The following ARL15 variants were observed in gnomAD, a reference collection of about 807,000 sequenced individuals.
ARL15 encodes the protein ARF like GTPase 15.
Under a neutral mutation model 25.2 loss-of-function variants are expected in ARL15, and 19 were observed. The observed-to-expected ratio is 0.75, with a 90% CI of 0.53 to 1.10. The LOEUF is 1.10. Among genes scored for constraint, ARL15 ranks in the 50% least tolerant of loss-of-function variants. The probability of loss-of-function intolerance (pLI) is 0.00; values close to 1 mark genes in which losing one functional copy is unlikely to be tolerated. For synonymous variants in ARL15, 94 were observed against 86.8 expected, an observed-to-expected ratio of 1.08 and a Z score of -0.46; for missense variants, 220 against 246.0, an observed-to-expected ratio of 0.89 and a Z score of 0.71.
At chr5:54,014,925 T>C (rs1295093795) in intron 4 of ARL15, among the ~76,000 whole-genome samples, 1 of 152,136 alleles carries the variant, frequency 6.6e-6, no homozygotes, top group East Asian at 1.9e-4. Flanking sequence ...CCTTTTTGAA[T>C]TGATTTATCA....
chr5:54,302,683 A>ATTTTTTTTTTTTTT (rs372704359), intron 1 of ARL15, among the ~76,000 whole-genome samples: 1 of 77,860 alleles, frequency 1.3e-5, no homozygotes, highest in East Asian at 4.6e-4. Flanking sequence ...TAAAATTAAG[A>ATTTTTTTTTTTTTT]TTTTTTTTTT....
intron 1 of ARL15, among the ~76,000 whole-genome samples, chr5:54,188,077 A>G (rs1039738623): frequency 3.3e-5 from 5 of 152,202 alleles, no homozygotes; most frequent in Non-Finnish European, 5.9e-5. Flanking sequence ...TCCAATTTGC[A>G]TATCACACCA....
intron 1 of ARL15, among the ~76,000 whole-genome samples, chr5:54,214,970 G>C (rs573284657): frequency 2.0e-4 from 30 of 152,174 alleles, no homozygotes; most frequent in African/African-American, 6.5e-4. Flanking sequence ...TTACTCCAGA[G>C]TAACAACATG....
intron 1 of ARL15, among the ~76,000 whole-genome samples, chr5:54,303,574 G>A (rs933775613): frequency 1.3e-5 from 2 of 149,418 alleles, no homozygotes; most frequent in African/African-American, 5.0e-5. Flanking sequence ...GTAGGAATGT[G>A]CCCCTGAAAG....
intron 3 of ARL15, among the ~76,000 whole-genome samples, chr5:54,144,938 C>A (rs1363061810): frequency 6.6e-6 from 1 of 152,078 alleles, no homozygotes; most frequent in Admixed American, 6.5e-5. Flanking sequence ...TCTGATGAGC[C>A]CTTTGATTAA....
At chr5:54,236,667 A>C (rs1170936755) in intron 1 of ARL15, among the ~76,000 whole-genome samples, 1 of 152,232 alleles carries the variant, frequency 6.6e-6, no homozygotes, top group Non-Finnish European at 1.5e-5. Flanking sequence ...GGTCCTTTAT[A>C]ATGTGCCAGT....
intron 4 of ARL15, among the ~76,000 whole-genome samples, chr5:53,921,546 G>C (rs1057402137): frequency 6.6e-6 from 1 of 152,204 alleles, no homozygotes; most frequent in African/African-American, 2.4e-5. Flanking sequence ...CACAAGGCAG[G>C]TGGATCACTT....
chr5:53,922,388 G>T (rs536963760), intron 4 of ARL15, among the ~76,000 whole-genome samples: 1 of 152,304 alleles, frequency 6.6e-6, no homozygotes, highest in African/African-American at 2.4e-5. Context: ...TTTAGTCTTT[G>T]AATGTCTTCT....
At chr5:54,007,056 G>A (rs1396986858) in intron 4 of ARL15, among the ~76,000 whole-genome samples, 3 of 152,060 alleles carry the variant, frequency 2.0e-5, no homozygotes, top group Non-Finnish European at 4.4e-5. Flanking sequence ...AAAAAATAAA[G>A]TTAGGTGAAA....
chr5:54,276,608 G>A (rs1177273597), intron 1 of ARL15, among the ~76,000 whole-genome samples: 1 of 152,122 alleles, frequency 6.6e-6, no homozygotes, highest in Non-Finnish European at 1.5e-5. Flanking sequence ...AACCCAACAC[G>A]TTCATTTCCT....
chr5:54,096,174 A>C (rs996830738), intron 4 of ARL15, among the ~76,000 whole-genome samples: 1 of 152,198 alleles, frequency 6.6e-6, no homozygotes, highest in Non-Finnish European at 1.5e-5. Flanking sequence ...GTTAGTTCAT[A>C]TTAATTTCAG....
chr5:54,242,208 T>TA (rs1756977020), intron 1 of ARL15, among the ~76,000 whole-genome samples: 1 of 152,150 alleles, frequency 6.6e-6, no homozygotes, highest in African/African-American at 2.4e-5. Context: ...AAGTTACATG[T>TA]TAAATCCAGA....
intron 3 of ARL15, among the ~76,000 whole-genome samples, chr5:54,133,733 C>T (rs184649691): frequency 2.6e-4 from 40 of 152,092 alleles, no homozygotes; most frequent in Non-Finnish European, 5.3e-4. Context: ...GATCATTTAC[C>T]CTAGACTGTA....
intron 4 of ARL15, among the ~76,000 whole-genome samples, chr5:54,094,795 T>C (rs1752235795): frequency 6.6e-6 from 1 of 152,126 alleles, no homozygotes; most frequent in Non-Finnish European, 1.5e-5. Flanking sequence ...CTGAATAAAT[T>C]TGTTCATCTG....
intron 4 of ARL15, among the ~76,000 whole-genome samples, chr5:54,086,103 G>C (rs189713986): frequency 6.7e-6 from 1 of 150,330 alleles, no homozygotes; most frequent in Non-Finnish European, 1.5e-5. Context: ...TAGTAGAGAC[G>C]GGGTTTCTCC....
intron 4 of ARL15, among the ~76,000 whole-genome samples, chr5:53,928,696 T>A (rs1170388245): frequency 6.6e-6 from 1 of 152,190 alleles, no homozygotes; most frequent in Non-Finnish European, 1.5e-5. Flanking sequence ...TGAAAAAAAT[T>A]TAACAAGGAC....
At chr5:54,065,453 G>A (rs886398066) in intron 4 of ARL15, among the ~76,000 whole-genome samples, 3 of 152,110 alleles carry the variant, frequency 2.0e-5, no homozygotes, top group African/African-American at 7.2e-5. Flanking sequence ...ATCACCTCAG[G>A]TCAGGAGTTC....
intron 4 of ARL15, among the ~76,000 whole-genome samples, chr5:54,079,346 G>A (rs1751716053): frequency 6.6e-6 from 1 of 152,102 alleles, no homozygotes; most frequent in Non-Finnish European, 1.5e-5. Flanking sequence ...AAGAAAATTG[G>A]ATATAACCAT....
At chr5:54,110,637 A>T (rs1013048987) in intron 4 of ARL15, among the ~76,000 whole-genome samples, 5 of 152,048 alleles carry the variant, frequency 3.3e-5, no homozygotes, top group Non-Finnish European at 5.9e-5. Flanking sequence ...TAGCAGGTGC[A>T]AATGAGTAAG....
Sources: gnomAD v4.1 joint callset for allele counts (sites outside exome capture counted in the v4.1 genomes callset) on GRCh38, gnomAD v4.1.1 for gene constraint, MANE v1.5 for transcripts, NCBI Gene and HGNC (gene_info 2026-07-23, HGNC 2026-07-21) for gene names.